The following CBX7 variants were observed in gnomAD, a reference collection of about 807,000 sequenced individuals.
The protein encoded by CBX7 is chromobox protein homolog 7.
CBX7 carries 14 observed loss-of-function variants against 31.4 expected under a neutral mutation model. The ratio of observed to expected loss-of-function variants is 0.45; its 90% CI spans 0.29 to 0.70. The LOEUF (loss-of-function observed/expected upper bound fraction) is 0.70. CBX7 is among the 30% of genes least tolerant of loss of function. The pLI, the probability that CBX7 is intolerant of heterozygous loss-of-function variation, is 0.11. For missense variants in CBX7, 269 were observed against 351.9 expected (o/e 0.76, Z 1.89); for synonymous variants, 159 against 152.6 (o/e 1.04, Z -0.31).
intron 3 of CBX7, among the ~76,000 whole-genome samples, chr22:39,139,743 AAAC>A (rs1176487717): frequency 6.8e-6 from 1 of 146,892 alleles, no homozygotes; most frequent in Non-Finnish European, 1.5e-5. Context: ...AAAGAAAAAA[AAAC>A]AAACAAAAAA....
At chr22:39,147,040 G>A (rs985367154) in intron 2 of CBX7, 1 of 150,298 alleles carries the variant, frequency 6.7e-6, no homozygotes, top group African/African-American at 2.5e-5. Flanking sequence ...AGATAAAACA[G>A]GCAAGGCATG....
intron 2 of CBX7, chr22:39,147,284 TG>T (rs1417032145): frequency 6.6e-6 from 1 of 151,968 alleles, no homozygotes. Context: ...CAGGCTGGTC[TG>T]GAACTCCTGA....
At chr22:39,141,948 T>C (rs1310653796) in intron 2 of CBX7, among the ~76,000 whole-genome samples, 1 of 152,124 alleles carries the variant, frequency 6.6e-6, no homozygotes, top group Non-Finnish European at 1.5e-5. Flanking sequence ...CATATCACTC[T>C]ACAATGTGAC....
chr22:39,145,735 G>GCGGGGA (rs1930633554), intron 2 of CBX7, among the ~76,000 whole-genome samples: 1 of 150,932 alleles, frequency 6.6e-6, no homozygotes, highest in Admixed American at 6.6e-5. Context: ...GGGGGCGGGG[G>GCGGGGA]CGGGGACAGG....
In CBX7 at chr22:39,133,865, A is replaced by T. The variant is rs781712324; in HGVS notation, c.*26T>A. The T allele has an allele frequency of 2.4e-5, 38 of 1,559,698 alleles. No homozygotes were observed. Among genetic ancestry groups the T allele is most frequent in the Non-Finnish European group, 3.2e-5 (37 of 1,146,578 alleles). Reference sequence around the variant, plus strand: ...TCCCACCCCAAGCCCAAAAGAAAACAGTTTAAGAAGAGTAAAAACGGTGAT... The same window carrying T: ...TCCCACCCCAAGCCCAAAAGAAAACTGTTTAAGAAGAGTAAAAACGGTGAT... On this transcript the variant is annotated 3_prime_UTR_variant, in exon 6 of 6. Transcript: ENST00000216133.
rs1231011045 is a variant in CBX7, at chr22:39,152,288, TC to T, written c.69+87del. 3.6e-5 allele frequency: 31 copies of T among 870,512 alleles called. No homozygotes were observed. Among genetic ancestry groups the T allele is most frequent in the South Asian group, 3.5e-5 (1 of 28,206 alleles). 53.9% of individuals were successfully genotyped at this position (870,512 alleles called of 1,614,324 possible). On this transcript the variant is annotated intron_variant, in intron 1 of 5. Transcript: ENST00000216133. This position sits in a 1 kb window ranked among gnomAD's most constrained non-coding sequence, Gnocchi z 4.9. ...CTGCCGGGGCCCCCGCGCCCCGCTT[TC>T]CCCTTCAGCCCCAGCGTGGAGGGAG...
At chr22:39,145,353 G>A (rs1409980338) in intron 2 of CBX7, among the ~76,000 whole-genome samples, 1 of 152,184 alleles carries the variant, frequency 6.6e-6, no homozygotes, top group Non-Finnish European at 1.5e-5. Flanking sequence ...AGAGCCGGGC[G>A]CTGGCAACCC....
chr22:39,134,518 G>A lies in CBX7; in HGVS notation c.481C>T (p.Pro161Ser), dbSNP rs1327945051. 1.9e-6 allele frequency: 3 copies of A among 1,611,622 alleles called. No homozygotes were observed. The highest frequency in any genetic ancestry group is 4.5e-5 in the East Asian group (2 of 44,836). ...LSRKKFPPRG[P>S]NLESHSHRRE... ...CGATGGCTGTGGCTCTCCAGGTTGG[G>A]CCCGCGGGGCGGGAACTTCTTGCGC... The change falls in exon 5 of 6, where the codon CCC (proline) becomes TCC (serine). Residue 161 changes from proline (P) to serine (S), a missense_variant. By Grantham distance (74) the Pro-to-Ser change is moderately conservative. Transcript: ENST00000216133.
At chr22:39,134,091 G>A in intron 5 of CBX7, 43 bp from the exon 6 acceptor site, 1 of 1,549,660 alleles carries the variant, frequency 6.5e-7, no homozygotes, top group South Asian at 1.2e-5. Context: ...TTGACAAGGT[G>A]GGAAGCCATG....
rs761813280 is a variant in CBX7, at chr22:39,133,927, A to C, written c.720T>G (p.Ala240=). The change falls in exon 6 of 6, where the codon GCT becomes GCG. Residue 240 remains alanine (A), a synonymous_variant. Coordinates refer to ENST00000216133, the MANE Select transcript of CBX7 (RefSeq NM_175709.5). ...ITVTFREAQA[A]EGFFRDRSGK... is the part of the protein sequence containing the mutation. ...CACTGCGGTCTCGGAAGAAGCCCTC[A>C]GCTGCCTGGGCCTCGCGGAAGGTGA... The C allele has an allele frequency of 4.3e-6, 7 of 1,613,406 alleles. No individual in the cohort carries two copies. The African/African-American group carries it at 9.3e-5, about 22-fold the overall frequency.
intron 3 of CBX7, chr22:39,141,150 AG>A (rs1356718964): frequency 3.9e-6 from 2 of 518,720 alleles, no homozygotes; most frequent in Admixed American, 3.5e-5. Context: ...GGGTGGGTAA[AG>A]GAAGTGACCG....
In CBX7 at chr22:39,134,465, C is replaced by T. The variant is rs1419707808; in HGVS notation, c.534G>A (p.Pro178=). The change falls in exon 5 of 6, where the codon CCG becomes CCA. Residue 178 remains proline, a synonymous_variant. Transcript: ENST00000216133. The part of the protein sequence containing the change: ...HRRELFLQEP[P]APDVLQAAGE... The stretch of plus-strand genomic sequence containing the variant: ...CAGCCGCCTGCAGGACGTCTGGGGC[C>T]GGTGGCTCCTGCAGGAAGAGCTCCC... The T allele has an allele frequency of 5.0e-6, 8 of 1,608,354 alleles. No individual in the cohort carries two copies. The highest frequency in any genetic ancestry group is 5.1e-6 in the Non-Finnish European group (6 of 1,179,826).
chr22:39,142,660 T>C (rs928732324), intron 2 of CBX7, among the ~76,000 whole-genome samples: 1 of 152,206 alleles, frequency 6.6e-6, no homozygotes, highest in African/African-American at 2.4e-5. Context: ...GCTTTTTTGG[T>C]TTAAATTATT....
Position 39,136,781 on chromosome 22 carries a change from T to C in CBX7, c.246+1855A>G, listed in dbSNP as rs1601556800. The C allele has an allele frequency of 2.0e-5, 3 of 152,392 alleles. No individual in the cohort carries two copies. The East Asian group carries it at 5.8e-4, about 29-fold the overall frequency. The allele number at this position is 152,392 out of a possible 1,614,324, so 9.4% of individuals were successfully genotyped here. On this transcript the variant is annotated intron_variant, in intron 4 of 5. Coordinates refer to ENST00000216133, the MANE Select transcript of CBX7 (RefSeq NM_175709.5). ...AACGAACACACCTGCCCTGTAGGCT[T>C]AGTATGTGGATGGAGTATATTCATC...
Position 39,138,688 on chromosome 22 carries a change from C to T in CBX7, c.194G>A (p.Arg65Gln), listed in dbSNP as rs1331896149. The change falls in exon 4 of 6, where the codon CGA becomes CAA. Residue 65 changes from arginine (R) to glutamine (Q), a missense_variant. By Grantham distance (43) the Arg-to-Gln change is conservative (BLOSUM62 1). Coordinates refer to ENST00000216133, the MANE Select transcript of CBX7 (RefSeq NM_175709.5). ...MAYEEKEERD[R>Q]ASGYRKRGPK... ...ACCTCTCTTCCTATACCCCGATGCTCGGTCTCTCTCCTCCCTGGGGTGTGA... is the reference window on the plus strand; with the variant it reads ...ACCTCTCTTCCTATACCCCGATGCTTGGTCTCTCTCCTCCCTGGGGTGTGA... The T allele has an allele frequency of 4.3e-6, 7 of 1,614,026 alleles. No homozygotes were observed. The highest frequency in any genetic ancestry group is 1.3e-5 in the African/African-American group (1 of 74,908).
chr22:39,141,132 T>C, intron 3 of CBX7: 1 of 492,542 alleles, frequency 2.0e-6, no homozygotes, highest in Non-Finnish European at 3.6e-6. Flanking sequence ...GCAGAGAGAC[T>C]GAGGCCCGGG....
chr22:39,140,543 C>T (rs1258863109), intron 3 of CBX7, among the ~76,000 whole-genome samples: 1 of 136,032 alleles, frequency 7.4e-6, no homozygotes, highest in African/African-American at 3.0e-5. Context: ...CTGGAGGTGG[C>T]AGCCCTGGCC....
In CBX7 at chr22:39,133,778, T is replaced by G. The variant is rs1163303924; in HGVS notation, c.*113A>C. 9.4e-7 allele frequency: 1 copy of G among 1,062,430 alleles called. No individual in the cohort carries two copies. Among genetic ancestry groups the G allele is most frequent in the Admixed American group, 3.2e-5 (1 of 31,276 alleles). 65.8% of individuals were successfully genotyped at this position (1,062,430 alleles called of 1,614,324 possible). On this transcript the variant is annotated 3_prime_UTR_variant, in exon 6 of 6. Transcript: ENST00000216133. ...GTAGTGGGATCTTCTCCCCTTTTGC[T>G]GCTCGGTATTTTTTTAAATAAAATA...
intron 4 of CBX7, among the ~76,000 whole-genome samples, chr22:39,138,070 A>C (rs1930316808): frequency 6.6e-6 from 1 of 151,690 alleles, no homozygotes; most frequent in Non-Finnish European, 1.5e-5. Flanking sequence ...AGTCCCAGCT[A>C]CTGGGGAGGC....
Sources: allele counts gnomAD v4.1 joint callset (sites outside exome capture counted in the v4.1 genomes callset), GRCh38; gene constraint gnomAD v4.1.1; non-coding constraint Gnocchi (gnomAD v3.1); transcripts MANE v1.5; gene names NCBI Gene and HGNC (gene_info 2026-07-23, HGNC 2026-07-21).